The following ASPRV1 variants were observed in gnomAD, a reference collection of about 807,000 sequenced individuals.
The protein encoded by ASPRV1 is retroviral-like aspartic protease 1.
ASPRV1 carries 7 observed loss-of-function variants against 11.0 expected under a neutral mutation model. The ratio of observed to expected loss-of-function variants is 0.64; its 90% confidence interval spans 0.36 to 1.20. The LOEUF is 1.20. Among genes scored for constraint, ASPRV1 ranks in the 50% most tolerant of loss-of-function variants. The pLI is 0.02. For synonymous variants in ASPRV1, 136 were observed against 138.4 expected (o/e 0.98, Z 0.12); for missense variants, 299 against 320.0 (o/e 0.93, Z 0.50).
the ASPRV1 span, among the ~76,000 whole-genome samples, chr2:69,986,497 T>C: frequency 1.3e-5 from 2 of 152,360 alleles, no homozygotes; most frequent in South Asian, 4.1e-4. Flanking sequence ...ACAAAGGCTC[T>C]ATAACTCAGG....
At chr2:69,997,722 G>C in the ASPRV1 span, among the ~76,000 whole-genome samples, 1 of 152,212 alleles carries the variant, frequency 6.6e-6, no homozygotes, top group Non-Finnish European at 1.5e-5. Flanking sequence ...GCAACAGAAT[G>C]ACCTGGGGAG....
At chr2:70,076,585 A>G in the ASPRV1 span, among the ~76,000 whole-genome samples, 1 of 152,226 alleles carries the variant, frequency 6.6e-6, no homozygotes, top group Non-Finnish European at 1.5e-5. Context: ...ATGAGGTTAC[A>G]TCTCGAATAC....
At chr2:70,033,676 A>G in the ASPRV1 span, among the ~76,000 whole-genome samples, 3 of 152,176 alleles carry the variant, frequency 2.0e-5, no homozygotes, top group African/African-American at 7.2e-5. Context: ...TTTTTCCCCT[A>G]TGAATATGAA....
At chr2:70,066,528 C>G in the ASPRV1 span, among the ~76,000 whole-genome samples, 2 of 152,136 alleles carry the variant, frequency 1.3e-5, no homozygotes, top group Admixed American at 6.6e-5. Context: ...TAGGCATGAG[C>G]CACTGCGCCT....
the ASPRV1 span, chr2:69,935,438 A>G: frequency 6.2e-7 from 1 of 1,613,916 alleles, no homozygotes; most frequent in Non-Finnish European, 8.5e-7. Context: ...CGTTGAGTTT[A>G]TTAACAAAAG....
chr2:69,989,239 G>C, the ASPRV1 span, among the ~76,000 whole-genome samples: 2 of 152,246 alleles, frequency 1.3e-5, no homozygotes, highest in Admixed American at 6.5e-5. Flanking sequence ...TGCCCAGGGT[G>C]GGGTATGGAA....
At chr2:70,033,595 G>A in the ASPRV1 span, among the ~76,000 whole-genome samples, 11 of 152,100 alleles carry the variant, frequency 7.2e-5, no homozygotes, top group Non-Finnish European at 1.6e-4. Context: ...GATCAGCACC[G>A]AGGAACAAAA....
the ASPRV1 span, among the ~76,000 whole-genome samples, chr2:70,053,400 CAG>C: frequency 6.6e-6 from 1 of 152,120 alleles, no homozygotes; most frequent in Non-Finnish European, 1.5e-5. Flanking sequence ...GCAGGGCACT[CAG>C]GGAAAGACTC....
chr2:70,045,762 A>C, the ASPRV1 span: 1 of 152,276 alleles, frequency 6.6e-6, no homozygotes, highest in Admixed American at 6.5e-5. Context: ...GTCTCTACTA[A>C]AAACACAAAA....
At chr2:70,041,297 A>G in the ASPRV1 span, among the ~76,000 whole-genome samples, 1 of 152,198 alleles carries the variant, frequency 6.6e-6, no homozygotes, top group Non-Finnish European at 1.5e-5. Flanking sequence ...GTCTTTCCCC[A>G]GCTGTGCTGG....
chr2:70,011,929 G>C, the ASPRV1 span: 2 of 152,568 alleles, frequency 1.3e-5, no homozygotes, highest in African/African-American at 2.4e-5. Flanking sequence ...ACCGCTAAGG[G>C]AGAAGCAGCT....
At chr2:70,060,569 T>C in the ASPRV1 span, among the ~76,000 whole-genome samples, 84 of 152,236 alleles carry the variant, frequency 5.5e-4, no homozygotes, top group African/African-American at 2.0e-3. Context: ...TCCCAGCACT[T>C]TGGGAGGCCG....
At chr2:69,940,324 C>G in the ASPRV1 span, 1 of 152,154 alleles carries the variant, frequency 6.6e-6, no homozygotes, top group African/African-American at 2.4e-5. Context: ...GATATGTCTG[C>G]ACTTTGAGGT....
chr2:70,025,306 C>A, the ASPRV1 span, among the ~76,000 whole-genome samples: 1 of 152,174 alleles, frequency 6.6e-6, no homozygotes, highest in South Asian at 2.1e-4. Context: ...GCTTGTAGTT[C>A]CAGCTACTCA....
the ASPRV1 span, among the ~76,000 whole-genome samples, chr2:69,986,044 G>T: frequency 6.6e-6 from 1 of 152,212 alleles, no homozygotes; most frequent in Non-Finnish European, 1.5e-5. Flanking sequence ...GGGACAGGGG[G>T]AATACCTCAG....
At chr2:69,947,177 G>A in the ASPRV1 span, among the ~76,000 whole-genome samples, 4 of 152,330 alleles carry the variant, frequency 2.6e-5, no homozygotes, top group South Asian at 2.1e-4. Context: ...TTTGGTCAAA[G>A]AAGCTACCAG....
At chr2:69,961,888 A>G, upstream of ASPRV1, 1 of 514,712 alleles carries the variant, frequency 1.9e-6, no homozygotes, top group South Asian at 4.5e-5. Flanking sequence ...ATAACAGATG[A>G]GGACACGGAG....
At chr2:70,022,131 C>T in the ASPRV1 span, among the ~76,000 whole-genome samples, 2 of 151,940 alleles carry the variant, frequency 1.3e-5, no homozygotes, top group Non-Finnish European at 2.9e-5. Context: ...TCTCCCGCCT[C>T]AGCCTCCTGA....
At chr2:70,016,519 T>C in the ASPRV1 span, among the ~76,000 whole-genome samples, 1 of 151,890 alleles carries the variant, frequency 6.6e-6, no homozygotes, top group South Asian at 2.1e-4. Flanking sequence ...CCAGCCTGGG[T>C]GACAAAGCAA....
Sources: gnomAD v4.1 joint callset for allele counts (sites outside exome capture counted in the v4.1 genomes callset) on GRCh38, gnomAD v4.1.1 for gene constraint, MANE v1.5 for transcripts, NCBI Gene and HGNC (gene_info 2026-07-23, HGNC 2026-07-21) for gene names.